MCM9: variants seen among roughly 807,000 people sequenced by gnomAD.
MCM9 encodes minichromosome maintenance 9 homologous recombination repair factor, also known as DNA helicase MCM9.
In MCM9, 55 loss-of-function variants were observed where a neutral mutation model predicts 72.8. The observed-to-expected ratio is 0.76, with a 90% CI of 0.61 to 0.95. The LOEUF (loss-of-function observed/expected upper bound fraction) is 0.95, where lower values mean the gene tolerates loss of function less well. Ranked by LOEUF, MCM9 falls within the 40% of genes least tolerant of loss-of-function variation. The pLI is 0.00. For missense variants in MCM9, 1,279 were observed against 1,377.0 expected, an observed-to-expected ratio of 0.93 and a Z score of 1.13; for synonymous variants, 480 against 503.4, an observed-to-expected ratio of 0.95 and a Z score of 0.62.
intron 9 of MCM9, among the ~76,000 whole-genome samples, chr6:118,849,223 C>T (rs751022902): frequency 2.0e-5 from 3 of 151,604 alleles, no homozygotes; most frequent in Non-Finnish European, 2.9e-5. Context: ...ATTCAGGCCA[C>T]AAAGCATTTA....
intron 3 of MCM9, among the ~76,000 whole-genome samples, chr6:118,928,194 T>C (rs950759466): frequency 1.1e-4 from 17 of 152,164 alleles, no homozygotes; most frequent in African/African-American, 4.1e-4. Context: ...GCGGATCACC[T>C]GAGGTCAAGA....
At chr6:118,846,188 T>C (rs928831727) in intron 9 of MCM9, among the ~76,000 whole-genome samples, 1 of 151,946 alleles carries the variant, frequency 6.6e-6, no homozygotes, top group Non-Finnish European at 1.5e-5. Context: ...TACTTCAACA[T>C]ATCCTCCAAA....
chr6:118,905,577 A>G (rs1312479064), intron 8 of MCM9: 3 of 1,235,398 alleles, frequency 2.4e-6, no homozygotes, highest in African/African-American at 3.0e-5. Flanking sequence ...GTTCTAGGTA[A>G]CTGAAACTCC....
In MCM9 at chr6:118,828,027, C is replaced by T. The variant is rs1486536537; in HGVS notation, c.1632G>A (p.Gln544=). The T allele has an allele frequency of 2.6e-6, 4 of 1,550,742 alleles. No homozygotes were observed. The African/African-American group carries it at 4.1e-5, about 16-fold the overall frequency. The change falls in exon 11 of 14, where the codon CAG becomes CAA. Residue 544 remains glutamine, a synonymous_variant. Coordinates refer to ENST00000619706, the MANE Select transcript of MCM9 (RefSeq NM_017696.3). The part of the protein sequence containing the change: ...LQPTLSDVGN[Q]VLLRYYQMQR... ...GCATCTGGTAGTACCGGAGAAGAAC[C>T]TGATTGCCCACATCAGACAGTGTGG...
chr6:118,871,472 T>C (rs1270480243), intron 8 of MCM9, among the ~76,000 whole-genome samples: 1 of 152,228 alleles, frequency 6.6e-6, no homozygotes, highest in Non-Finnish European at 1.5e-5. Context: ...TAGAAGGATG[T>C]TCCTCAACAC....
chr6:118,828,095 C>T lies in MCM9; in HGVS notation c.1564G>A (p.Glu522Lys), dbSNP rs1774287378. 1 of 1,550,402 alleles carries T rather than the reference C, an allele frequency of 6.4e-7. No individual in the cohort carries two copies. Among genetic ancestry groups the T allele is most frequent in the African/African-American group, 1.4e-5 (1 of 73,018 alleles). The part of the protein sequence containing the change: ...PSKSEKLWSM[E>K]KMKTYFCLIR... ...AGGCAGAAATAGGTTTTCATCTTTT[C>T]CATGCTCCAGAGCTTCTCTGATTTG... Residue 522 changes from glutamate to lysine, a missense_variant, in exon 11 of 14, where the codon GAA becomes AAA. Physicochemically the swap from Glu to Lys is moderately conservative, Grantham distance 56. Transcript: ENST00000619706.
At chr6:118,817,883 T>G (rs761889831) in intron 13 of MCM9, among the ~76,000 whole-genome samples, 1 of 152,262 alleles carries the variant, frequency 6.6e-6, no homozygotes, top group Non-Finnish European at 1.5e-5. Flanking sequence ...ATTTCTTTAA[T>G]GACCAGTGAT....
At position 118,846,553 on chromosome 6, in the gene MCM9, G is replaced by A. The variant is rs751804533; in HGVS notation, c.1325+9818C>T. ...ATAGACAGAGGGGCCTGAAAGTTCC[G>A]GGGACCAGAGCTGGCAGTCATGGGA... On this transcript the variant is annotated intron_variant, in intron 9 of 13. Transcript: ENST00000619706. Among the ~76,000 whole-genome samples, 41 of 151,752 alleles carry A rather than the reference G, an allele frequency of 2.7e-4. 1 individual carries two copies. Among genetic ancestry groups the A allele is most frequent in the African/African-American group, 7.5e-4 (31 of 41,060 alleles).
rs565899535 is a variant in MCM9 at position 118,813,632 on chromosome 6, T to C, written c.*1192A>G. 2.0e-5 allele frequency: 3 copies of C among 152,280 alleles called. No homozygotes were observed. In the South Asian group the frequency reaches 6.2e-4, roughly 32 times the overall value. The allele number at this position is 152,280 out of a possible 1,614,324, so 9.4% of individuals were successfully genotyped here. A position where few individuals can be genotyped will look rare whatever the true frequency, so the allele number is the denominator to read the frequency against. On this transcript the variant is annotated 3_prime_UTR_variant, in exon 14 of 14. Transcript: ENST00000619706. ...GTCCCTCTGACAATTAAACAATCAG[T>C]TTACAAATTCACACTTCAGAAGAGA...
At chr6:118,929,035 C>T (rs886601566) in intron 3 of MCM9, among the ~76,000 whole-genome samples, 1 of 152,008 alleles carries the variant, frequency 6.6e-6, no homozygotes, top group Non-Finnish European at 1.5e-5. Flanking sequence ...GCCTGAGCAA[C>T]ATGGCAAAAC....
intron 9 of MCM9, among the ~76,000 whole-genome samples, chr6:118,830,728 G>C (rs1211975037): frequency 6.6e-6 from 1 of 152,134 alleles, no homozygotes; most frequent in East Asian, 1.9e-4. Flanking sequence ...TATTTTTAAT[G>C]CTAGGTCAAA....
At chr6:118,909,525 G>A (rs1583632797) in intron 8 of MCM9, among the ~76,000 whole-genome samples, 1 of 152,016 alleles carries the variant, frequency 6.6e-6, no homozygotes, top group East Asian at 1.9e-4. Context: ...TGCCAATACT[G>A]TATCTGAAGA....
intron 8 of MCM9, among the ~76,000 whole-genome samples, chr6:118,872,232 T>C (rs575005296): frequency 1.3e-5 from 2 of 150,676 alleles, no homozygotes; most frequent in African/African-American, 4.9e-5. Flanking sequence ...GGCAGGAGAA[T>C]GGAGTGAGCC....
intron 3 of MCM9, 116 bp downstream of exon 3, chr6:118,931,304 A>C (rs1782406481): frequency 2.3e-6 from 2 of 881,728 alleles, no homozygotes; most frequent in Non-Finnish European, 1.7e-6. Flanking sequence ...TCAACTACAC[A>C]ACAGATATAT....
chr6:118,819,204 C>CACAAAAAA (rs1773619887), intron 13 of MCM9, among the ~76,000 whole-genome samples: 2 of 152,166 alleles, frequency 1.3e-5, no homozygotes, highest in Admixed American at 1.3e-4. Flanking sequence ...TGCCAGTTTT[C>CACAAAAAA]AAGGGGAATG....
chr6:118,833,863 C>T (rs1005159654), intron 9 of MCM9, among the ~76,000 whole-genome samples: 1 of 152,100 alleles, frequency 6.6e-6, no homozygotes. Flanking sequence ...GCTTGTACAA[C>T]GTGACTTATA....
At chr6:118,864,722 A>G (rs1243633420) in intron 8 of MCM9, among the ~76,000 whole-genome samples, 1 of 152,128 alleles carries the variant, frequency 6.6e-6, no homozygotes, top group Non-Finnish European at 1.5e-5. Flanking sequence ...AAGGTTTCCC[A>G]TGGTCTGGTT....
intron 8 of MCM9, among the ~76,000 whole-genome samples, chr6:118,885,396 T>C (rs567583469): frequency 2.6e-5 from 4 of 151,870 alleles, no homozygotes; most frequent in African/African-American, 9.7e-5. Flanking sequence ...TAGAGAAAAT[T>C]AATGAAACTA....
In MCM9 at chr6:118,869,599, C is replaced by CCAAAAAA. The variant is rs776414465; in HGVS notation, c.1151-13055_1151-13054insTTTTTTG. Reference sequence around the variant, plus strand: ...AGAGGAAAAAGAAACAAAGGATTTACAAAAAAAAAAAAAAAAAAAAGAAGC... The same window carrying CCAAAAAA: ...AGAGGAAAAAGAAACAAAGGATTTACCAAAAAAAAAAAAAAAAAAAAAAAAAAGAAGC... On this transcript the variant is annotated intron_variant, in intron 8 of 13. Coordinates refer to ENST00000619706, the MANE Select transcript of MCM9 (RefSeq NM_017696.3). 4.4e-3 allele frequency among the ~76,000 whole-genome samples: 258 copies of CCAAAAAA among 58,314 alleles called. 1 individual carries two copies. Among genetic ancestry groups the CCAAAAAA allele is most frequent in the Admixed American group, 0.01 (45 of 4,416 alleles). 38.3% of individuals were successfully genotyped at this position (58,314 alleles called of 152,430 possible). A position where few individuals can be genotyped will look rare whatever the true frequency, so the allele number is the denominator to read the frequency against.
Sources: allele counts gnomAD v4.1 joint callset (sites outside exome capture counted in the v4.1 genomes callset), GRCh38; gene constraint gnomAD v4.1.1; transcripts MANE v1.5; gene names NCBI Gene and HGNC (gene_info 2026-07-23, HGNC 2026-07-21).